The following CAND1 variants were observed in gnomAD, a reference collection of about 807,000 sequenced individuals.
CAND1 encodes cullin-associated NEDD8-dissociated protein 1.
In CAND1, 7 loss-of-function variants were observed where a neutral mutation model predicts 108.5. The ratio of observed to expected loss-of-function variants is 0.06; its 90% confidence interval spans 0.04 to 0.12. CAND1 has a LOEUF of 0.12. Among genes scored for constraint, CAND1 ranks in the 10% least tolerant of loss-of-function variants. The pLI, the probability that CAND1 is intolerant of heterozygous loss-of-function variation, is 1.00. For synonymous variants in CAND1, 534 were observed against 512.0 expected (o/e 1.04, Z -0.58); for missense variants, 941 against 1,448.7 (o/e 0.65, Z 5.69).
Position 67,315,152 on chromosome 12 carries a change from T to C in CAND1, c.*2322T>C, listed in dbSNP as rs1592629786. Reference sequence around the variant, plus strand: ...TTAAGTTAGTTTAGGTCTACCTGATTTATTTTAAAAGAAGGCAGAGGGCTG... The same window carrying C: ...TTAAGTTAGTTTAGGTCTACCTGATCTATTTTAAAAGAAGGCAGAGGGCTG... On this transcript the variant is annotated 3_prime_UTR_variant, in exon 15 of 15. Transcript: ENST00000545606. 6.6e-6 allele frequency: 1 copy of C among 152,226 alleles called. No individual in the cohort carries two copies. The highest frequency in any genetic ancestry group is 1.5e-5 in the Non-Finnish European group (1 of 68,046). 9.4% of individuals were successfully genotyped at this position (152,226 alleles called of 1,614,324 possible).
chr12:67,276,102 T>C (rs1380239034), intron 1 of CAND1, among the ~76,000 whole-genome samples: 1 of 152,208 alleles, frequency 6.6e-6, no homozygotes, highest in Non-Finnish European at 1.5e-5. Flanking sequence ...TCAGGCCTCT[T>C]CCTAACCCAG....
chr12:67,306,237 C>G lies in CAND1; in HGVS notation c.2569C>G (p.Leu857Val). 6.2e-7 allele frequency: 1 copy of G among 1,614,072 alleles called. No individual in the cohort carries two copies. The stretch of plus-strand genomic sequence containing the variant: ...TATTGACTTAAGTGGACAGTTGGAA[C>G]TAAAATCTGTAATACTAGAAGCTTT... ...HHIDLSGQLE[L>V]KSVILEAFSS... The change falls in exon 10 of 15, where the codon CTA (leucine) becomes GTA (valine). Residue 857 changes from leucine (L) to valine (V), a missense_variant. By Grantham distance (32) the Leu-to-Val change is conservative (BLOSUM62 1). Transcript: ENST00000545606.
At position 67,306,334 on chromosome 12, in the gene CAND1, C is replaced by T. The variant is rs766790718; in HGVS notation, c.2666C>T (p.Pro889Leu). The change falls in exon 10 of 15, where the codon CCT becomes CTT. Residue 889 changes from proline to leucine, a missense_variant. Around this residue, in one of 9 missense-constraint regions of CAND1, gnomAD observed 697 missense variants for 942.0 expected, o/e 0.74. Coordinates refer to ENST00000545606, the MANE Select transcript of CAND1 (RefSeq NM_018448.5). ...ALGSISVGNL[P>L]EYLPFVLQEI... is the part of the protein sequence containing the mutation. ...GGCAGCATTAGTGTGGGCAACCTTC[C>T]TGAATATCTGCCGTTTGTCCTGCAA... is the stretch of plus-strand genomic sequence containing the variant. The T allele has an allele frequency of 8.7e-6, 14 of 1,614,014 alleles. No individual in the cohort carries two copies. The highest frequency in any genetic ancestry group is 3.3e-4 in the Middle Eastern group (2 of 6,084).
intron 7 of CAND1, among the ~76,000 whole-genome samples, chr12:67,299,714 T>C (rs1173706760): frequency 6.6e-6 from 1 of 152,166 alleles, no homozygotes; most frequent in Non-Finnish European, 1.5e-5. Context: ...TTATGATATT[T>C]ACTCTGGAAA....
Position 67,302,324 on chromosome 12 carries a change from G to A in CAND1, c.1002G>A (p.Gly334=). The A allele has an allele frequency of 6.2e-7, 1 of 1,611,460 alleles. No homozygotes were observed. Among genetic ancestry groups the A allele is most frequent in the East Asian group, 2.2e-5 (1 of 44,856 alleles). The change falls in exon 8 of 15, where the codon GGG becomes GGA. Residue 334 remains glycine, a splice_region_variant and synonymous_variant. Transcript: ENST00000545606. ...DADGGDDDDQ[G]SDDEYSDDDD... ...GTTTACATTAAAACTTACCCTTAGG[G>A]AGTGATGATGAATACAGTGATGATG...
At chr12:67,273,688 G>T (rs2044544515) in intron 1 of CAND1, among the ~76,000 whole-genome samples, 1 of 151,694 alleles carries the variant, frequency 6.6e-6, no homozygotes, top group African/African-American at 2.4e-5. Context: ...TGTTTCCCAG[G>T]CTGGTCTCAA....
intron 6 of CAND1, 33 bp from the exon 7 acceptor site, chr12:67,298,917 G>C: frequency 1.5e-6 from 2 of 1,326,800 alleles, no homozygotes; most frequent in Non-Finnish European, 2.2e-6. Context: ...GTAAAATGCA[G>C]CTCTTCAAGG....
chr12:67,314,325 ATACTGTGGTTATTAGAT>A lies in CAND1; in HGVS notation c.*1498_*1514del, dbSNP rs1401846859. 1 of 152,212 alleles carries A rather than the reference ATACTGTGGTTATTAGAT, an allele frequency of 6.6e-6. No individual in the cohort carries two copies. Among genetic ancestry groups the A allele is most frequent in the Non-Finnish European group, 1.5e-5 (1 of 68,022 alleles). The allele number at this position is 152,212 out of a possible 1,614,324, so 9.4% of individuals were successfully genotyped here. A position where few individuals can be genotyped will look rare whatever the true frequency, so the allele number is the denominator to read the frequency against. ...ATATACAGTGATTTTAAATGATAAC[ATACTGTGGTTATTAGAT>A]TAACAGCTTGATTTTGAATGTTCAG... On this transcript the variant is annotated 3_prime_UTR_variant, in exon 15 of 15. Coordinates refer to ENST00000545606, the MANE Select transcript of CAND1 (RefSeq NM_018448.5).
chr12:67,287,238 A>G (rs1176220286), intron 2 of CAND1, among the ~76,000 whole-genome samples: 1 of 152,202 alleles, frequency 6.6e-6, no homozygotes, highest in Non-Finnish European at 1.5e-5. Flanking sequence ...CTGTTGAGAA[A>G]CATGGGTGTA....
intron 1 of CAND1, among the ~76,000 whole-genome samples, chr12:67,272,663 A>G (rs2044531342): frequency 6.6e-6 from 1 of 152,190 alleles, no homozygotes; most frequent in African/African-American, 2.4e-5. Context: ...GAACTCTGCC[A>G]TATGCAGGGT....
At chr12:67,278,742 C>T (rs1207115811) in intron 1 of CAND1, among the ~76,000 whole-genome samples, 1 of 151,852 alleles carries the variant, frequency 6.6e-6, no homozygotes, top group Non-Finnish European at 1.5e-5. Flanking sequence ...TGGTGTCGAA[C>T]TCCTGACCTC....
In CAND1 at chr12:67,278,914, A is replaced by G. The variant is rs535792000; in HGVS notation, c.69-2996A>G. 7.2e-5 allele frequency among the ~76,000 whole-genome samples: 11 copies of G among 152,312 alleles called. No homozygotes were observed. In the South Asian group the frequency reaches 2.3e-3, roughly 32 times the overall value. ...CTCATACATGCAATTTAAAAAGTTA[A>G]TATGCCTTTTACTAGACTGCAATGT... is the stretch of plus-strand genomic sequence containing the variant. On this transcript the variant is annotated intron_variant, in intron 1 of 14. Transcript: ENST00000545606.
intron 2 of CAND1, among the ~76,000 whole-genome samples, chr12:67,287,927 A>G (rs983901440): frequency 1.3e-5 from 1 of 78,032 alleles, no homozygotes; most frequent in Non-Finnish European, 2.8e-5. Context: ...GAGGTTATCT[A>G]TTTTTTTACT....
chr12:67,301,208 G>A (rs1054131298), intron 7 of CAND1, among the ~76,000 whole-genome samples: 1 of 152,036 alleles, frequency 6.6e-6, no homozygotes, highest in Non-Finnish European at 1.5e-5. Flanking sequence ...GCAGTATTTG[G>A]TTGTATTTTC....
At chr12:67,303,638 A>G (rs992530152) in intron 8 of CAND1, among the ~76,000 whole-genome samples, 2 of 151,578 alleles carry the variant, frequency 1.3e-5, no homozygotes, top group Non-Finnish European at 2.9e-5. Context: ...TTTTGTTTTT[A>G]CTCTGTACTT....
Position 67,269,526 on chromosome 12 carries a change from C to T in CAND1, c.-192C>T. Reference sequence around the variant, plus strand: ...TCTGTAGCCTCGGCTTACCCCGGGACAGGCCCACGCCTCGCCAGGGAGGGG... The same window carrying T: ...TCTGTAGCCTCGGCTTACCCCGGGATAGGCCCACGCCTCGCCAGGGAGGGG... On this transcript the variant is annotated 5_prime_UTR_variant, in exon 1 of 15. Coordinates refer to ENST00000545606, the MANE Select transcript of CAND1 (RefSeq NM_018448.5). 1.8e-6 allele frequency: 1 copy of T among 561,424 alleles called. No homozygotes were observed. The highest frequency in any genetic ancestry group is 2.2e-5 in the South Asian group (1 of 45,708). The allele number at this position is 561,424 out of a possible 1,614,324, so 34.8% of individuals were successfully genotyped here.
intron 1 of CAND1, among the ~76,000 whole-genome samples, chr12:67,277,243 A>T (rs1450561155): frequency 6.6e-6 from 1 of 152,230 alleles, no homozygotes; most frequent in Non-Finnish European, 1.5e-5. Flanking sequence ...TGAGTTAGCA[A>T]GTACTGAACC....
intron 8 of CAND1, 77 bp from the exon 9 acceptor site, chr12:67,304,528 A>G (rs1457851636): frequency 7.0e-7 from 1 of 1,430,704 alleles, no homozygotes; most frequent in Non-Finnish European, 9.6e-7. Context: ...CTTTATCCTC[A>G]TTCTCCATAA....
intron 2 of CAND1, among the ~76,000 whole-genome samples, chr12:67,291,414 T>G (rs2044720572): frequency 6.6e-6 from 1 of 152,170 alleles, no homozygotes; most frequent in Admixed American, 6.5e-5. Context: ...AGGTGGTGTT[T>G]GGTAATAGAA....
Sources: allele counts gnomAD v4.1 joint callset (sites outside exome capture counted in the v4.1 genomes callset), GRCh38; gene constraint gnomAD v4.1.1; regional missense constraint gnomAD v4.1.1; transcripts MANE v1.5; gene names NCBI Gene and HGNC (gene_info 2026-07-23, HGNC 2026-07-21).